Variants in ZNF37A observed in about 807,000 individuals in gnomAD.
The protein encoded by ZNF37A is zinc finger protein 37a (KOX 21).
In ZNF37A, 10 loss-of-function variants were observed where a neutral mutation model predicts 12.3. The ratio of observed to expected loss-of-function variants is 0.82; its 90% CI spans 0.50 to 1.38. The LOEUF is 1.38. ZNF37A is among the 40% of genes most tolerant of loss of function. The probability of loss-of-function intolerance (pLI) is 0.00; values close to 1 mark genes in which losing one functional copy is unlikely to be tolerated. For synonymous variants in ZNF37A, 207 were observed against 223.0 expected (o/e 0.93, Z 0.64); for missense variants, 580 against 651.2 (o/e 0.89, Z 1.19).
At chr10:38,105,931 TA>T (rs1250230203) in intron 5 of ZNF37A, among the ~76,000 whole-genome samples, 2 of 152,108 alleles carry the variant, frequency 1.3e-5, no homozygotes, top group African/African-American at 4.8e-5. Flanking sequence ...TATCTGCAAA[TA>T]GAGTAGTTTT....
In ZNF37A at chr10:38,134,054, C is replaced by T. The variant is rs188425385; in HGVS notation, c.239-12678C>T. Among the ~76,000 whole-genome samples the T allele has an allele frequency of 3.9e-3, 589 of 152,294 alleles. 3 individuals carry two copies. The highest frequency in any genetic ancestry group is 0.014 in the African/African-American group (566 of 41,548). ...ATCATTTGATCTTCAATCACTGATA[C>T]CCTTTCTTCCACTTGATCGAATTGG... On this transcript the variant is annotated intron_variant, in intron 7 of 7. Transcript: ENST00000638053.
rs1186317860 is a variant in ZNF37A, at chr10:38,119,584, T to C, written c.*747T>C. ...AATTTAAGAAAATGTGGAAAAAATA[T>C]TTTTATTGAGAAATAGCATTTTACT... On this transcript the variant is annotated 3_prime_UTR_variant, in exon 8 of 8. Coordinates refer to ENST00000685332, the MANE Select transcript of ZNF37A (RefSeq NM_001324250.3). 6 of 200,866 alleles carry C rather than the reference T, an allele frequency of 3.0e-5. No homozygotes were observed. The highest frequency in any genetic ancestry group is 5.3e-5 in the Non-Finnish European group (6 of 112,794). The allele number at this position is 200,866 out of a possible 1,614,324, so 12.4% of individuals were successfully genotyped here.
chr10:38,116,130 G>C (rs2069252405), intron 7 of ZNF37A, among the ~76,000 whole-genome samples: 1 of 152,060 alleles, frequency 6.6e-6, no homozygotes, highest in African/African-American at 2.4e-5. Flanking sequence ...ATTTCAGCGT[G>C]AAGCCTGAAA....
chr10:38,114,964 T>C, intron 6 of ZNF37A, 83 bp downstream of exon 6: 7 of 1,498,106 alleles, frequency 4.7e-6, no homozygotes, highest in Non-Finnish European at 6.3e-6. Context: ...TTTTGTAAAA[T>C]ATAATAATAT....
downstream of ZNF37A, among the ~76,000 whole-genome samples, chr10:38,126,743 T>G: frequency 6.6e-6 from 1 of 152,202 alleles, no homozygotes; most frequent in Non-Finnish European, 1.5e-5. Flanking sequence ...AGCAGCCCTA[T>G]CATCACCGTT....
At chr10:38,115,369 T>C (rs2069188943) in intron 7 of ZNF37A, 79 bp downstream of exon 7, 1 of 1,525,092 alleles carries the variant, frequency 6.6e-7, no homozygotes, top group Non-Finnish European at 8.8e-7. Flanking sequence ...ACCATTGAAA[T>C]GTTCTTTAGG....
At chr10:38,104,148 T>G (rs1324119994) in intron 5 of ZNF37A, among the ~76,000 whole-genome samples, 1 of 152,164 alleles carries the variant, frequency 6.6e-6, no homozygotes, top group East Asian at 1.9e-4. Context: ...TCCCAGTTTT[T>G]CAGTCCATCT....
downstream of ZNF37A, among the ~76,000 whole-genome samples, chr10:38,129,685 A>G (rs2069992046): frequency 6.6e-6 from 1 of 152,198 alleles, no homozygotes; most frequent in South Asian, 2.1e-4. Flanking sequence ...CTGCCATTAG[A>G]GATTTCATGT....
intron 7 of ZNF37A, chr10:38,141,947 T>A (rs1199973021): frequency 1.3e-5 from 2 of 152,068 alleles, no homozygotes; most frequent in African/African-American, 4.8e-5. Flanking sequence ...CTGTCTCTAC[T>A]AAAAATACAA....
intron 7 of ZNF37A, 63 bp downstream of exon 7, chr10:38,115,353 A>AATT (rs987702244): frequency 1.3e-6 from 2 of 1,562,314 alleles, no homozygotes; most frequent in African/African-American, 1.4e-5. Flanking sequence ...AAGTTTGGAT[A>AATT]ATAAGACCAT....
chr10:38,141,669 C>T (rs912808500), intron 7 of ZNF37A: 4 of 152,200 alleles, frequency 2.6e-5, no homozygotes, highest in African/African-American at 9.6e-5. Context: ...AATGTTAATT[C>T]TTCTTAGTGT....
Position 38,117,499 on chromosome 10 carries a change from A to G in ZNF37A, c.348A>G (p.Glu116=), listed in dbSNP as rs376179621. 32 of 1,613,038 alleles carry G rather than the reference A, an allele frequency of 2.0e-5. No individual in the cohort carries two copies. Among genetic ancestry groups the G allele is most frequent in the Non-Finnish European group, 2.6e-5 (31 of 1,179,742 alleles). ...ATGAAATAATTCATTCTGAAGAGGA[A>G]CCTTCTGAATATAATAAAAATGGGA... ...EKHEIIHSEE[E]PSEYNKNGNS... is the part of the protein sequence containing the mutation. Residue 116 remains glutamate (E), a synonymous_variant, in exon 8 of 8, where the codon GAA becomes GAG. Transcript: ENST00000685332.
At chr10:38,139,120 G>T (rs949236010) in intron 7 of ZNF37A, 12 of 152,094 alleles carry the variant, frequency 7.9e-5, no homozygotes, top group African/African-American at 2.9e-4. Context: ...GTGAACAACT[G>T]GGACCTTATT....
At chr10:38,117,166 T>C (rs176887) in intron 7 of ZNF37A, 418,022 of 981,652 alleles carry the variant, frequency 0.43, 89,763 homozygotes, top group East Asian at 0.5. Flanking sequence ...CCACACAGAA[T>C]TGGAGCCTGG....
At chr10:38,108,239 C>T (rs775426445) in intron 5 of ZNF37A, among the ~76,000 whole-genome samples, 8 of 152,114 alleles carry the variant, frequency 5.3e-5, no homozygotes, top group Non-Finnish European at 7.4e-5. Context: ...ACAACCTGCT[C>T]CTGAATGGCT....
chr10:38,146,165 A>C (rs554167126), intron 7 of ZNF37A, among the ~76,000 whole-genome samples: 4 of 152,238 alleles, frequency 2.6e-5, no homozygotes, highest in African/African-American at 9.6e-5. Context: ...ACTGCCTCTT[A>C]TCTTGGCATA....
chr10:38,104,139 CCCAGTTTTTCAGT>C (rs2067828157), intron 5 of ZNF37A, among the ~76,000 whole-genome samples: 1 of 152,144 alleles, frequency 6.6e-6, no homozygotes, highest in Admixed American at 6.5e-5. Flanking sequence ...TTTTTACATT[CCCAGTTTTTCAGT>C]CCATCTGCTG....
At chr10:38,144,638 G>C (rs1590952985) in intron 7 of ZNF37A, among the ~76,000 whole-genome samples, 1 of 152,088 alleles carries the variant, frequency 6.6e-6, no homozygotes, top group African/African-American at 2.4e-5. Flanking sequence ...AGCCCACGTG[G>C]GTGGCACCCC....
chr10:38,113,830 C>G (rs1349350627), intron 5 of ZNF37A, among the ~76,000 whole-genome samples: 1 of 152,168 alleles, frequency 6.6e-6, no homozygotes, highest in Non-Finnish European at 1.5e-5. Context: ...AGTTCACCAT[C>G]AACTTCTGCT....
Sources: gnomAD v4.1 joint callset for allele counts (sites outside exome capture counted in the v4.1 genomes callset) on GRCh38, gnomAD v4.1.1 for gene constraint, MANE v1.5 for transcripts, NCBI Gene and HGNC (gene_info 2026-07-23, HGNC 2026-07-21) for gene names.